Variants in SGCD observed in about 807,000 individuals in gnomAD.
SGCD encodes the protein sarcoglycan delta.
Under a neutral mutation model 36.6 loss-of-function variants are expected in SGCD, and 18 were observed. That is an observed-to-expected ratio of 0.49 (90% CI 0.34 to 0.73). SGCD has a LOEUF of 0.73. SGCD is among the 30% of genes least tolerant of loss of function. The pLI is 0.01. For missense variants in SGCD, 387 were observed against 346.7 expected (o/e 1.12, Z -0.92); for synonymous variants, 133 against 130.6 (o/e 1.02, Z -0.12).
At chr5:156,610,728 A>T (rs1420908484) in intron 6 of SGCD, among the ~76,000 whole-genome samples, 1 of 152,178 alleles carries the variant, frequency 6.6e-6, no homozygotes, top group Admixed American at 6.5e-5. Context: ...TACTTACTCA[A>T]GCCTCGGCAA....
intron 6 of SGCD, among the ~76,000 whole-genome samples, chr5:156,621,389 C>A (rs138832238): frequency 6.9e-4 from 105 of 152,278 alleles, no homozygotes; most frequent in Middle Eastern, 6.8e-3. Flanking sequence ...GACGGGGTTT[C>A]ACCGTATTGA....
chr5:156,340,300 G>C (rs1768581826), intron 2 of SGCD, among the ~76,000 whole-genome samples: 1 of 152,174 alleles, frequency 6.6e-6, no homozygotes, highest in South Asian at 2.1e-4. Context: ...ACTAGCTTCT[G>C]TCTTTTCTAC....
chr5:156,589,575 C>T (rs1760639523), intron 5 of SGCD, among the ~76,000 whole-genome samples: 1 of 152,152 alleles, frequency 6.6e-6, no homozygotes, highest in Admixed American at 6.5e-5. Context: ...TTTCATAGAA[C>T]ATGGCCCCTA....
chr5:156,221,831 ATTCATACATGAAAACTTAAG>A, intron 3 of SGCD, among the ~76,000 whole-genome samples: 1 of 152,062 alleles, frequency 6.6e-6, no homozygotes, highest in Non-Finnish European at 1.5e-5. Flanking sequence ...AAATAGTATT[ATTCATACATGAAAACTTAAG>A]TTTCAAAGAG....
At chr5:156,400,136 C>T (rs912661935) in intron 3 of SGCD, among the ~76,000 whole-genome samples, 38 of 152,154 alleles carry the variant, frequency 2.5e-4, no homozygotes, top group Non-Finnish European at 4.9e-4. Flanking sequence ...CAGTGAGCAT[C>T]AGACTCACCT....
At chr5:156,153,874 A>G (rs1762886589) in intron 3 of SGCD, among the ~76,000 whole-genome samples, 1 of 151,654 alleles carries the variant, frequency 6.6e-6, no homozygotes, top group African/African-American at 2.4e-5. Context: ...AGTCCAATAT[A>G]CAGCCAAATT....
the SGCD span, among the ~76,000 whole-genome samples, chr5:155,835,003 T>G: frequency 5.8e-5 from 1 of 17,246 alleles, no homozygotes; most frequent in African/African-American, 6.6e-4. Flanking sequence ...GCCCAGCTAA[T>G]TTTTTTTTTT....
chr5:156,524,996 A>T (rs1757584076), intron 4 of SGCD, among the ~76,000 whole-genome samples: 1 of 152,082 alleles, frequency 6.6e-6, no homozygotes, highest in African/African-American at 2.4e-5. Context: ...GATTTAATTC[A>T]TATCTTGGCT....
chr5:156,298,088 G>A (rs140891537), intron 3 of SGCD, among the ~76,000 whole-genome samples: 15 of 152,066 alleles, frequency 9.9e-5, no homozygotes, highest in Admixed American at 2.6e-4. Flanking sequence ...CTCCAGGTCC[G>A]TCCATGTCAC....
intron 1 of SGCD, among the ~76,000 whole-genome samples, chr5:156,023,659 T>C (rs2127573892): frequency 6.6e-6 from 1 of 152,304 alleles, no homozygotes; most frequent in Non-Finnish European, 1.5e-5. Flanking sequence ...TGAGATGGGC[T>C]CAGGTTACCT....
intron 3 of SGCD, among the ~76,000 whole-genome samples, chr5:156,432,020 T>C (rs1291160084): frequency 6.6e-6 from 1 of 152,192 alleles, no homozygotes; most frequent in East Asian, 1.9e-4. Flanking sequence ...CCAGCCAGAC[T>C]GCAATGATTG....
chr5:156,298,483 AT>A (rs1450950474), intron 3 of SGCD, among the ~76,000 whole-genome samples: 1 of 151,162 alleles, frequency 6.6e-6, no homozygotes, highest in African/African-American at 2.4e-5. Flanking sequence ...ATGATATTTC[AT>A]TGTAGTTTTG....
intron 3 of SGCD, among the ~76,000 whole-genome samples, chr5:156,310,588 C>T (rs972988535): frequency 6.6e-6 from 1 of 152,112 alleles, no homozygotes; most frequent in African/African-American, 2.4e-5. Flanking sequence ...TAGTAGACTC[C>T]AAAATAATTA....
At chr5:155,803,250 G>C in the SGCD span, among the ~76,000 whole-genome samples, 1 of 152,180 alleles carries the variant, frequency 6.6e-6, no homozygotes, top group Admixed American at 6.5e-5. Context: ...CAATGGAAAA[G>C]CCGAAAGAGC....
chr5:156,697,478 T>C (rs1053489420), intron 7 of SGCD, among the ~76,000 whole-genome samples: 1 of 152,154 alleles, frequency 6.6e-6, no homozygotes, highest in African/African-American at 2.4e-5. Flanking sequence ...TCTCATACAT[T>C]TGTGCTTAAT....
At chr5:156,575,730 T>G (rs548692793) in intron 4 of SGCD, among the ~76,000 whole-genome samples, 1 of 151,440 alleles carries the variant, frequency 6.6e-6, no homozygotes, top group African/African-American at 2.4e-5. Context: ...CTAAAATGGG[T>G]CCCATTAACA....
At position 156,760,976 on chromosome 5, in the gene SGCD, G is replaced by A. The variant is rs994887639; in HGVS notation, c.*1586G>A. On this transcript the variant is annotated 3_prime_UTR_variant, in exon 9 of 9. Coordinates refer to ENST00000337851, the MANE Select transcript of SGCD (RefSeq NM_000337.6). ...AAGAGCCCAGAATGAACTCATCACT[G>A]GCTTAGACAGTCCTGGATGCCATTT... 3.3e-5 allele frequency: 5 copies of A among 152,218 alleles called. No homozygotes were observed. Among genetic ancestry groups the A allele is most frequent in the African/African-American group, 1.2e-4 (5 of 41,436 alleles). 9.4% of individuals were successfully genotyped at this position (152,218 alleles called of 1,614,324 possible). A position where few individuals can be genotyped will look rare whatever the true frequency, so the allele number is the denominator to read the frequency against.
At chr5:156,714,103 CTT>C (rs1189986150) in intron 7 of SGCD, among the ~76,000 whole-genome samples, 1 of 152,210 alleles carries the variant, frequency 6.6e-6, no homozygotes, top group Non-Finnish European at 1.5e-5. Flanking sequence ...TGTTTCTAAA[CTT>C]TATTTGTAAC....
At chr5:156,201,957 C>T (rs562787170) in intron 3 of SGCD, among the ~76,000 whole-genome samples, 1 of 152,258 alleles carries the variant, frequency 6.6e-6, no homozygotes, top group South Asian at 2.1e-4. Flanking sequence ...GAGCAGCTCC[C>T]TGAGTGGTCC....
Sources: gnomAD v4.1 joint callset for allele counts (sites outside exome capture counted in the v4.1 genomes callset) on GRCh38, gnomAD v4.1.1 for gene constraint, MANE v1.5 for transcripts, NCBI Gene and HGNC (gene_info 2026-07-23, HGNC 2026-07-21) for gene names.